The following MTARC2 variants were observed in gnomAD, a reference collection of about 807,000 sequenced individuals.
MTARC2 encodes the protein MOCO sulphurase C-terminal domain containing 2.
In MTARC2, 27 loss-of-function variants were observed where a neutral mutation model predicts 35.6. That is an observed-to-expected ratio of 0.76 (90% CI 0.56 to 1.04). The LOEUF is 1.04. MTARC2 is among the 50% of genes least tolerant of loss of function. MTARC2 has a pLI of 0.00. For synonymous variants in MTARC2, 158 were observed against 167.1 expected (o/e 0.95, Z 0.42); for missense variants, 412 against 432.5 (o/e 0.95, Z 0.42).
Position 220,781,828 on chromosome 1 carries a change from T to C in MTARC2, c.935T>C (p.Leu312Pro), listed in dbSNP as rs1487181962. Residue 312 changes from leucine to proline, a missense_variant, in exon 7 of 8, where the codon CTT (leucine) becomes CCT (proline). Physicochemically the swap from Leu to Pro is moderately conservative, Grantham distance 98 (BLOSUM62 -3). Transcript: ENST00000366913. ...AGGGAATTGTACAAGTTGTCTCCAC[T>C]TTTTGGGATCTATTATTCAGTGGAA... ...SERELYKLSP[L>P]FGIYYSVEKI... The C allele has an allele frequency of 4.3e-6, 7 of 1,614,164 alleles. No homozygotes were observed. The highest frequency in any genetic ancestry group is 5.9e-6 in the Non-Finnish European group (7 of 1,180,002).
At chr1:220,760,712 C>T (rs895375176) in intron 2 of MTARC2, among the ~76,000 whole-genome samples, 2 of 152,128 alleles carry the variant, frequency 1.3e-5, no homozygotes, top group African/African-American at 2.4e-5. Flanking sequence ...CATTTCTTCA[C>T]ACTTGAAAGC....
chr1:220,770,586 A>ACCC, intron 4 of MTARC2: 1 of 983,218 alleles, frequency 1.0e-6, no homozygotes, highest in Non-Finnish European at 1.2e-6. Context: ...AGAGACCATG[A>ACCC]CCCCCCATAC....
In MTARC2 at chr1:220,761,705, C is replaced by A; in HGVS notation, c.494C>A (p.Ala165Asp). ...IKGRDCGNEA[A>D]KWFTNFLKTE... ...GGCAGAGACTGTGGCAATGAGGCAGCTAAGTGGTTCACCAACTTCTTGAAA... is the reference window on the plus strand; with the variant it reads ...GGCAGAGACTGTGGCAATGAGGCAGATAAGTGGTTCACCAACTTCTTGAAA... The change falls in exon 3 of 8, where the codon GCT (alanine) becomes GAT (aspartate). Residue 165 changes from alanine (A) to aspartate (D), a missense_variant. Physicochemically the swap from Ala to Asp is moderately radical, Grantham distance 126 (BLOSUM62 -2). Transcript: ENST00000366913. 6.2e-7 allele frequency: 1 copy of A among 1,614,126 alleles called. No individual in the cohort carries two copies. Among genetic ancestry groups the A allele is most frequent in the Non-Finnish European group, 8.5e-7 (1 of 1,180,010 alleles).
At position 220,780,211 on chromosome 1, in the gene MTARC2, A is replaced by G. The variant is rs2102572779; in HGVS notation, c.856A>G (p.Arg286Gly). 1 of 1,612,788 alleles carries G rather than the reference A, an allele frequency of 6.2e-7. No individual in the cohort carries two copies. Among genetic ancestry groups the G allele is most frequent in the Non-Finnish European group, 8.5e-7 (1 of 1,179,608 alleles). Residue 286 changes from arginine to glycine, a missense_variant, in exon 6 of 8, where the codon AGG (arginine) becomes GGG (glycine). Arg to Gly is a moderately radical substitution (Grantham distance 125). Coordinates refer to ENST00000366913, the MANE Select transcript of MTARC2 (RefSeq NM_017898.5). ...TVDPDTGVID[R>G]KQPLDTLKSY... ...GGACCCAGACACTGGAGTCATAGAC[A>G]GGAAACAGCCACTGGACACCCTGAA... is the stretch of plus-strand genomic sequence containing the variant.
chr1:220,758,818 T>C (rs1671353614), intron 2 of MTARC2, among the ~76,000 whole-genome samples: 1 of 148,268 alleles, frequency 6.7e-6, no homozygotes, highest in African/African-American at 2.6e-5. Flanking sequence ...TTACAGAAAA[T>C]TGATGTGAAA....
intron 4 of MTARC2, among the ~76,000 whole-genome samples, chr1:220,778,258 AAAAAAAAAAAG>A (rs201473812): frequency 0.015 from 2,177 of 141,690 alleles, 32 homozygotes; most frequent in East Asian, 0.056. Context: ...AAAAAAAAAA[AAAAAAAAAAAG>A]AAAGAAAGAA....
chr1:220,782,075 C>T, intron 7 of MTARC2, 143 bp downstream of exon 7: 1 of 734,956 alleles, frequency 1.4e-6, no homozygotes, highest in Non-Finnish European at 2.1e-6. Flanking sequence ...TGGAAAATGC[C>T]CTTAATTTCT....
intron 1 of MTARC2, among the ~76,000 whole-genome samples, chr1:220,750,364 A>G (rs1671096588): frequency 6.6e-6 from 1 of 152,130 alleles, no homozygotes; most frequent in Non-Finnish European, 1.5e-5. Flanking sequence ...TCCTCGCTTG[A>G]AGGGTTGGTT....
chr1:220,775,285 A>AC (rs112308925), intron 4 of MTARC2, among the ~76,000 whole-genome samples: 3,592 of 152,052 alleles, frequency 0.024, 108 homozygotes, highest in African/African-American at 0.064. Context: ...TCAGAGCTGA[A>AC]CCCTTATGTA....
chr1:220,782,684 T>A (rs1672111505), intron 7 of MTARC2, among the ~76,000 whole-genome samples: 1 of 152,224 alleles, frequency 6.6e-6, no homozygotes, highest in East Asian at 1.9e-4. Context: ...GTTACTTGCC[T>A]TTGTAGTCTT....
chr1:220,757,867 A>G (rs559254794), intron 2 of MTARC2, among the ~76,000 whole-genome samples: 2 of 152,368 alleles, frequency 1.3e-5, no homozygotes, highest in East Asian at 3.9e-4. Flanking sequence ...ACCAGAGCCC[A>G]GAATCAAATA....
At chr1:220,762,697 C>A (rs1470683973) in intron 3 of MTARC2, among the ~76,000 whole-genome samples, 2 of 152,232 alleles carry the variant, frequency 1.3e-5, no homozygotes, top group African/African-American at 4.8e-5. Context: ...TGGCCCAGAG[C>A]CGGCCCTGGC....
At chr1:220,783,288 A>T (rs968217482) in intron 7 of MTARC2, among the ~76,000 whole-genome samples, 2 of 152,242 alleles carry the variant, frequency 1.3e-5, no homozygotes, top group African/African-American at 4.8e-5. Flanking sequence ...ATGAAATACA[A>T]TAAGTATTAA....
chr1:220,768,348 T>G (rs1229816972), intron 4 of MTARC2, among the ~76,000 whole-genome samples: 4 of 152,184 alleles, frequency 2.6e-5, no homozygotes. Flanking sequence ...TAGGAAACAG[T>G]GTAAAATGTG....
Position 220,748,560 on chromosome 1 carries a change from C to T in MTARC2, c.29C>T (p.Ala10Val), listed in dbSNP as rs1671040948. 2.8e-6 allele frequency: 4 copies of T among 1,439,250 alleles called. No homozygotes were observed. The highest frequency in any genetic ancestry group is 3.6e-6 in the Non-Finnish European group (4 of 1,104,862). 89.2% of individuals were successfully genotyped at this position (1,439,250 alleles called of 1,614,324 possible). MGASSSSALARLGLPARPWP... is the reference protein window; with the variant it reads MGASSSSALVRLGLPARPWP... ...GGCGCTTCCAGCTCCTCCGCGCTGG[C>T]CCGCCTCGGCCTCCCAGCCCGGCCC... The change falls in exon 1 of 8, where the codon GCC (alanine) becomes GTC (valine). Residue 10 changes from alanine (A) to valine (V), a missense_variant. Coordinates refer to ENST00000366913, the MANE Select transcript of MTARC2 (RefSeq NM_017898.5).
intron 1 of MTARC2, 96 bp downstream of exon 1, chr1:220,748,899 A>G: frequency 1.5e-6 from 2 of 1,358,692 alleles, no homozygotes; most frequent in East Asian, 6.1e-5. Context: ...AGGACTATAG[A>G]GGTTTGCCAC....
chr1:220,758,344 G>A (rs1207840601), intron 2 of MTARC2, among the ~76,000 whole-genome samples: 1 of 151,508 alleles, frequency 6.6e-6, no homozygotes, highest in Non-Finnish European at 1.5e-5. Flanking sequence ...TTCACCTTGT[G>A]TGGTGTTAAG....
At chr1:220,766,989 A>C (rs1017694985) in intron 4 of MTARC2, among the ~76,000 whole-genome samples, 4 of 152,000 alleles carry the variant, frequency 2.6e-5, no homozygotes, top group Admixed American at 2.6e-4. Context: ...AAAAAAAAAA[A>C]AATTAATTAA....
chr1:220,763,061 C>A lies in MTARC2; in HGVS notation c.750+11C>A, dbSNP rs1242195956. On this transcript the variant is annotated intron_variant, in intron 4 of 7. Transcript: ENST00000366913. ...GATGCTTTTGAGGAGGTAAGCGACC[C>A]ACTGCTTTTGTGCATCATGCTCAGA... 2.5e-6 allele frequency: 4 copies of A among 1,614,102 alleles called. No individual in the cohort carries two copies. In the South Asian group the frequency reaches 4.4e-5, roughly 18 times the overall value.
Sources: gnomAD v4.1 joint callset for allele counts (sites outside exome capture counted in the v4.1 genomes callset) on GRCh38, gnomAD v4.1.1 for gene constraint, MANE v1.5 for transcripts, NCBI Gene and HGNC (gene_info 2026-07-23, HGNC 2026-07-21) for gene names.